The following SNAPC1 variants were observed in gnomAD, a reference collection of about 807,000 sequenced individuals.
The protein encoded by SNAPC1 is snRNA-activating protein complex subunit 1.
SNAPC1 carries 42 observed loss-of-function variants against 50.1 expected under a neutral mutation model. The ratio of observed to expected loss-of-function variants is 0.84; its 90% confidence interval spans 0.65 to 1.08. The LOEUF is 1.08. Among genes scored for constraint, SNAPC1 ranks in the 50% least tolerant of loss-of-function variants. The probability of loss-of-function intolerance (pLI) is 0.00; values close to 1 mark genes in which losing one functional copy is unlikely to be tolerated. For synonymous variants in SNAPC1, 164 were observed against 144.2 expected, an observed-to-expected ratio of 1.14 and a Z score of -0.98; for missense variants, 477 against 427.3, an observed-to-expected ratio of 1.12 and a Z score of -1.02.
At chr14:61,770,425 A>C (rs914838634) in intron 4 of SNAPC1, among the ~76,000 whole-genome samples, 3 of 151,772 alleles carry the variant, frequency 2.0e-5, no homozygotes, top group Non-Finnish European at 4.4e-5. Flanking sequence ...TCTATTTTTA[A>C]TAGAGGTGAG....
chr14:61,782,096 G>A (rs2045079019), intron 7 of SNAPC1, 151 bp from the exon 8 acceptor site: 2 of 571,626 alleles, frequency 3.5e-6, no homozygotes, highest in African/African-American at 3.8e-5. Context: ...GGTAGTTATA[G>A]TAAGCCAGCC....
chr14:61,763,123 C>T (rs1594897574), intron 1 of SNAPC1, among the ~76,000 whole-genome samples: 2 of 150,578 alleles, frequency 1.3e-5, no homozygotes, highest in East Asian at 2.0e-4. Flanking sequence ...TCCGGAGTAG[C>T]TGGGATTACA....
intron 1 of SNAPC1, among the ~76,000 whole-genome samples, chr14:61,764,009 A>T (rs1407617026): frequency 6.6e-6 from 1 of 152,006 alleles, no homozygotes; most frequent in African/African-American, 2.4e-5. Context: ...ATCTCCTATC[A>T]CTGCAACCTC....
intron 8 of SNAPC1, among the ~76,000 whole-genome samples, chr14:61,783,605 G>A (rs1014007226): frequency 2.2e-5 from 3 of 135,932 alleles, no homozygotes; most frequent in Admixed American, 8.3e-5. Context: ...GCGCGATCTC[G>A]GCTCACTGCA....
In SNAPC1 at chr14:61,766,996, T is replaced by C. The variant is rs375857200; in HGVS notation, c.249T>C (p.Tyr83=). Residue 83 remains tyrosine, a synonymous_variant, in exon 2 of 10, where the codon TAT becomes TAC. Transcript: ENST00000216294. ...QIRVGALYLL[Y]GLYNTQLCQP... ...GAGTTGGTGCTTTGTATCTGCTATA[T>C]GGATTATATAATACCCAACTGTGTC... 5.6e-6 allele frequency: 9 copies of C among 1,610,284 alleles called. No homozygotes were observed. Among genetic ancestry groups the C allele is most frequent in the Non-Finnish European group, 7.6e-6 (9 of 1,177,204 alleles).
intron 8 of SNAPC1, among the ~76,000 whole-genome samples, chr14:61,782,938 C>T (rs2045087157): frequency 1.3e-5 from 2 of 149,926 alleles, no homozygotes; most frequent in South Asian, 4.2e-4. Context: ...TAGGCCTATA[C>T]AGATTAAATA....
intron 8 of SNAPC1, among the ~76,000 whole-genome samples, chr14:61,788,299 A>G (rs2045129048): frequency 6.6e-6 from 1 of 152,236 alleles, no homozygotes; most frequent in Non-Finnish European, 1.5e-5. Context: ...TACCTGAATA[A>G]TAAAGACCCA....
intron 4 of SNAPC1, among the ~76,000 whole-genome samples, chr14:61,771,044 T>TAA (rs1283617999): frequency 6.6e-6 from 1 of 152,136 alleles, no homozygotes; most frequent in Non-Finnish European, 1.5e-5. Context: ...ACCCAGCTCA[T>TAA]ATGGATACAT....
At chr14:61,789,046 T>C (rs1441955322) in intron 8 of SNAPC1, among the ~76,000 whole-genome samples, 16 of 151,936 alleles carry the variant, frequency 1.1e-4, no homozygotes, top group Non-Finnish European at 1.5e-5. Context: ...GCCTGGCCAA[T>C]ATGGTGAAAC....
chr14:61,792,870 A>C lies in SNAPC1; in HGVS notation c.1040A>C (p.Glu347Ala), dbSNP rs1031345618. The C allele has an allele frequency of 1.2e-5, 20 of 1,604,500 alleles. No individual in the cohort carries two copies. The Middle Eastern group carries it at 6.6e-4, about 53-fold the overall frequency. The change falls in exon 9 of 10, where the codon GAA (glutamate) becomes GCA (alanine). Residue 347 changes from glutamate (E) to alanine (A), a missense_variant. Glu to Ala is a moderately radical substitution (Grantham distance 107). Coordinates refer to ENST00000216294, the MANE Select transcript of SNAPC1 (RefSeq NM_003082.4). Reference sequence around the variant, plus strand: ...AGTCTGAGTATGCCTGTAATTACAGAAGAAGAAGAGAATGAAAGTTTGAGT... The same window carrying C: ...AGTCTGAGTATGCCTGTAATTACAGCAGAAGAAGAGAATGAAAGTTTGAGT... Reference protein sequence around the residue: ...PLSLSMPVITEEEENESLSGT... With the variant: ...PLSLSMPVITAEEENESLSGT...
At chr14:61,782,492 A>G in intron 8 of SNAPC1, 95 bp downstream of exon 8, 1 of 874,976 alleles carries the variant, frequency 1.1e-6, no homozygotes, top group Middle Eastern at 2.3e-4. Flanking sequence ...GAAGGATTAG[A>G]TACTTGTTTG....
chr14:61,767,990 G>A (rs2044961378), intron 3 of SNAPC1, among the ~76,000 whole-genome samples: 1 of 152,166 alleles, frequency 6.6e-6, no homozygotes, highest in South Asian at 2.1e-4. Flanking sequence ...ATATTGGTCA[G>A]GCTGGTCTTG....
intron 8 of SNAPC1, among the ~76,000 whole-genome samples, chr14:61,783,804 C>T (rs2045096020): frequency 1.3e-5 from 2 of 152,130 alleles, no homozygotes; most frequent in South Asian, 2.1e-4. Flanking sequence ...TCCCAAAGTG[C>T]TGGGATTACG....
chr14:61,785,774 C>T (rs931578713), intron 8 of SNAPC1, among the ~76,000 whole-genome samples: 8 of 152,074 alleles, frequency 5.3e-5, no homozygotes, highest in African/African-American at 1.2e-4. Context: ...ACAAATAATA[C>T]GCAATTTACT....
intron 8 of SNAPC1, among the ~76,000 whole-genome samples, chr14:61,790,576 A>T (rs1162113773): frequency 6.6e-6 from 1 of 152,162 alleles, no homozygotes; most frequent in Non-Finnish European, 1.5e-5. Flanking sequence ...ACGTTAAATA[A>T]TCCACCCACC....
At chr14:61,776,055 A>G in intron 4 of SNAPC1, 40 bp from the exon 5 acceptor site, 1 of 1,525,626 alleles carries the variant, frequency 6.6e-7, no homozygotes, top group Non-Finnish European at 8.8e-7. Context: ...GTTTCTCCTC[A>G]AAAAGTGAAG....
intron 4 of SNAPC1, among the ~76,000 whole-genome samples, chr14:61,769,734 A>T (rs1213438069): frequency 6.6e-6 from 1 of 152,156 alleles, no homozygotes; most frequent in Admixed American, 6.5e-5. Context: ...AAAACCTACC[A>T]TTGAAAACAG....
chr14:61,793,316 C>T (rs955356239), intron 9 of SNAPC1, among the ~76,000 whole-genome samples: 3 of 151,720 alleles, frequency 2.0e-5, no homozygotes, highest in East Asian at 2.0e-4. Context: ...TGACTTACTA[C>T]AGCTTCGACC....
intron 8 of SNAPC1, among the ~76,000 whole-genome samples, chr14:61,787,143 G>C (rs148757937): frequency 7.2e-5 from 11 of 152,342 alleles, no homozygotes; most frequent in Non-Finnish European, 1.6e-4. Flanking sequence ...GTAGGGGAAG[G>C]TATTAAATGC....
Sources: gnomAD v4.1 joint callset for allele counts (sites outside exome capture counted in the v4.1 genomes callset) on GRCh38, gnomAD v4.1.1 for gene constraint, MANE v1.5 for transcripts, NCBI Gene and HGNC (gene_info 2026-07-23, HGNC 2026-07-21) for gene names.